Variants in KLC1 observed in about 807,000 individuals in gnomAD.
KLC1 encodes kinesin 2 60/70kDa.
Under a neutral mutation model 84.2 loss-of-function variants are expected in KLC1, and 30 were observed. The ratio of observed to expected loss-of-function variants is 0.36; its 90% CI spans 0.27 to 0.48. The LOEUF is 0.48. KLC1 is among the 20% of genes least tolerant of loss of function. The probability of loss-of-function intolerance (pLI) is 0.99; values close to 1 mark genes in which losing one functional copy is unlikely to be tolerated. For missense variants in KLC1, 499 were observed against 805.4 expected (o/e 0.62, Z 4.60); for synonymous variants, 289 against 293.3 (o/e 0.99, Z 0.15).
intron 13 of KLC1, chr14:103,686,858 T>G (rs2081808682): frequency 4.7e-6 from 1 of 212,122 alleles, no homozygotes; most frequent in African/African-American, 2.3e-5. Flanking sequence ...GTCCAAAGGT[T>G]TTCATGATCA....
chr14:103,686,014 A>AGAG, intron 13 of KLC1: 1 of 1,085,032 alleles, frequency 9.2e-7, no homozygotes, highest in Non-Finnish European at 1.1e-6. Context: ...ACTAAGCCTT[A>AGAG]CAGCAAGGCA....
At chr14:103,701,128 G>A (rs2083163813) in intron 16 of KLC1, 73 bp from the exon 17 acceptor site, 2 of 1,533,276 alleles carry the variant, frequency 1.3e-6, no homozygotes, top group African/African-American at 2.7e-5. Context: ...CCAGAGAGCT[G>A]TTTCCAGAAC....
chr14:103,673,263 T>C, intron 8 of KLC1, 69 bp from the exon 9 acceptor site: 1 of 1,561,990 alleles, frequency 6.4e-7, no homozygotes, highest in Non-Finnish European at 8.7e-7. Context: ...CTCATTTAAC[T>C]GGAGATTAAA....
intron 1 of KLC1, among the ~76,000 whole-genome samples, chr14:103,647,324 A>G (rs1253144033): frequency 2.0e-5 from 3 of 151,950 alleles, no homozygotes; most frequent in Admixed American, 1.3e-4. Flanking sequence ...TCCAGGTTCA[A>G]GCGATTCTCC....
At chr14:103,683,442 T>TAAAA (rs1353873705) in intron 13 of KLC1, 2 of 152,208 alleles carry the variant, frequency 1.3e-5, no homozygotes, top group Non-Finnish European at 2.9e-5. Flanking sequence ...TGCAACTGCA[T>TAAAA]TGTGCACAGA....
intron 12 of KLC1, 155 bp from the exon 13 acceptor site, chr14:103,679,229 C>A: frequency 2.1e-6 from 2 of 963,918 alleles, no homozygotes; most frequent in Non-Finnish European, 3.1e-6. Flanking sequence ...CCCGCCTCCA[C>A]CCTCACCCCC....
In KLC1 at chr14:103,699,162, C is replaced by T. The variant is rs1198505342; in HGVS notation, c.1849-1493C>T. 3 of 1,568,512 alleles carry T rather than the reference C, an allele frequency of 1.9e-6. No homozygotes were observed. In the African/African-American group the frequency reaches 4.1e-5, roughly 21 times the overall value. ...GCGGCCCGTGTGCTGCGCCCTGCTC[C>T]TCCATGGCCTCTGTCACCTGGAAGA... On this transcript the variant is annotated intron_variant, in intron 15 of 16. Transcript: ENST00000334553.
At chr14:103,672,642 T>C (rs565665843) in intron 7 of KLC1, among the ~76,000 whole-genome samples, 16 of 152,268 alleles carry the variant, frequency 1.1e-4, no homozygotes, top group Admixed American at 5.2e-4. Flanking sequence ...CTGTGGGCTC[T>C]TCAGAAGCTG....
At chr14:103,662,950 C>T in intron 5 of KLC1, 23 bp downstream of exon 5, 1 of 1,515,836 alleles carries the variant, frequency 6.6e-7, no homozygotes, top group Non-Finnish European at 9.0e-7. Flanking sequence ...TGTTTACCTA[C>T]TGAATTTTAC....
In KLC1 at chr14:103,679,310, G is replaced by A. The variant is rs192593975; in HGVS notation, c.1489-74G>A. On this transcript the variant is annotated intron_variant, in intron 12 of 16. Coordinates refer to ENST00000334553, the MANE Select transcript of KLC1 (RefSeq NM_001394837.1). Reference sequence around the variant, plus strand: ...ACTGTTTTTTTTTTTTTTTTCTAGCGAAGTATCTCAGAAATACCTAAGAAA... The same window carrying A: ...ACTGTTTTTTTTTTTTTTTTCTAGCAAAGTATCTCAGAAATACCTAAGAAA... 1.7e-4 allele frequency: 234 copies of A among 1,344,680 alleles called. No homozygotes were observed. The African/African-American group carries it at 3.0e-3, about 17-fold the overall frequency. 83.3% of individuals were successfully genotyped at this position (1,344,680 alleles called of 1,614,324 possible).
intron 12 of KLC1, among the ~76,000 whole-genome samples, chr14:103,677,920 T>C (rs561412487): frequency 2.6e-3 from 391 of 149,066 alleles, no homozygotes; most frequent in Non-Finnish European, 4.3e-3. Context: ...TGAGCCGATA[T>C]CATGCCACTG....
intron 13 of KLC1, among the ~76,000 whole-genome samples, chr14:103,680,075 C>T (rs2081223631): frequency 1.3e-5 from 2 of 152,192 alleles, no homozygotes; most frequent in Non-Finnish European, 2.9e-5. Flanking sequence ...TGCATTTCCC[C>T]TGAGAGGGCG....
At chr14:103,646,819 C>T (rs1257640641) in intron 1 of KLC1, among the ~76,000 whole-genome samples, 1 of 151,968 alleles carries the variant, frequency 6.6e-6, no homozygotes, top group East Asian at 1.9e-4. Flanking sequence ...GCTGTCTTGC[C>T]TAGGCTGGTC....
chr14:103,675,507 T>G, intron 9 of KLC1, 45 bp from the exon 10 acceptor site: 1 of 1,562,548 alleles, frequency 6.4e-7, no homozygotes, highest in African/African-American at 1.4e-5. Context: ...TTTTGGAGTT[T>G]TGGATTAAGG....
intron 13 of KLC1, among the ~76,000 whole-genome samples, chr14:103,684,488 A>G (rs1245201033): frequency 6.6e-6 from 1 of 152,224 alleles, no homozygotes; most frequent in African/African-American, 2.4e-5. Context: ...CTCACAGCCA[A>G]GGTCCTCAGG....
chr14:103,662,480 G>A (rs1464352093), intron 4 of KLC1, among the ~76,000 whole-genome samples: 1 of 151,874 alleles, frequency 6.6e-6, no homozygotes, highest in South Asian at 2.1e-4. Context: ...GTTTCATGGC[G>A]CCAAGAGGAG....
intron 1 of KLC1, among the ~76,000 whole-genome samples, chr14:103,630,574 C>A (rs1012967303): frequency 3.3e-5 from 5 of 152,062 alleles, no homozygotes; most frequent in Non-Finnish European, 7.4e-5. Flanking sequence ...TGATCAGAAT[C>A]AGCTCGGAAT....
At chr14:103,633,120 C>T (rs913578627) in intron 1 of KLC1, among the ~76,000 whole-genome samples, 2 of 151,130 alleles carry the variant, frequency 1.3e-5, no homozygotes, top group South Asian at 2.1e-4. Context: ...CGCAGTGGCA[C>T]GACCTCTGCT....
At chr14:103,644,510 C>T (rs533838721) in intron 1 of KLC1, among the ~76,000 whole-genome samples, 1 of 152,246 alleles carries the variant, frequency 6.6e-6, no homozygotes, top group African/African-American at 2.4e-5. Context: ...CCACCCGCTT[C>T]AGCCTCCCGA....
Sources: allele counts gnomAD v4.1 joint callset (sites outside exome capture counted in the v4.1 genomes callset), GRCh38; gene constraint gnomAD v4.1.1; transcripts MANE v1.5; gene names NCBI Gene and HGNC (gene_info 2026-07-23, HGNC 2026-07-21).